The following PID1 variants were observed in gnomAD, a reference collection of about 807,000 sequenced individuals.
PID1 encodes the protein phosphotyrosine interaction domain containing 1.
PID1 carries 10 observed loss-of-function variants against 19.1 expected under a neutral mutation model. The observed-to-expected ratio is 0.52, with a 90% confidence interval of 0.32 to 0.89. The LOEUF (loss-of-function observed/expected upper bound fraction) is 0.89, where lower values mean the gene tolerates loss of function less well. Among genes scored for constraint, PID1 ranks in the 40% least tolerant of loss-of-function variants. The probability of loss-of-function intolerance (pLI) is 0.03; values close to 1 mark genes in which losing one functional copy is unlikely to be tolerated. For synonymous variants in PID1, 130 were observed against 116.0 expected (o/e 1.12, Z -0.78); for missense variants, 248 against 285.3 (o/e 0.87, Z 0.94).
chr2:229,253,425 G>A (rs1272875158), intron 1 of PID1, among the ~76,000 whole-genome samples: 1 of 152,086 alleles, frequency 6.6e-6, no homozygotes, highest in African/African-American at 2.4e-5. Flanking sequence ...TATAGGAGAT[G>A]CCAATAGCAG....
At position 229,139,009 on chromosome 2, in the gene PID1, AAG is replaced by A. The variant is rs751523848; in HGVS notation, c.177+16807_177+16808del. 5.3e-4 allele frequency among the ~76,000 whole-genome samples: 52 copies of A among 97,312 alleles called. 2 individuals are homozygous for A. The highest frequency in any genetic ancestry group is 1.1e-3 in the Non-Finnish European group (50 of 45,708). The allele number at this position is 97,312 out of a possible 152,430, so 63.8% of individuals were successfully genotyped here. ...AAAGAAAGAAAGAAAGAAAGAAAGAAAGAAAGAAAGAAAGAAAGAAAGAAAGA... is the reference window on the plus strand; with the variant it reads ...AAAGAAAGAAAGAAAGAAAGAAAGAAAAAGAAAGAAAGAAAGAAAGAAAGA... On this transcript the variant is annotated intron_variant, in intron 2 of 2. Transcript: ENST00000392055.
chr2:229,192,618 A>G (rs1289014184), intron 1 of PID1, among the ~76,000 whole-genome samples: 1 of 152,234 alleles, frequency 6.6e-6, no homozygotes, highest in Non-Finnish European at 1.5e-5. Context: ...CTTATGGAAC[A>G]TACAGGAGAA....
intron 1 of PID1, among the ~76,000 whole-genome samples, chr2:229,199,617 G>C (rs1323615240): frequency 6.6e-6 from 1 of 151,512 alleles, no homozygotes; most frequent in Non-Finnish European, 1.5e-5. Flanking sequence ...GGAAGCATTG[G>C]ATTTATGAAA....
At chr2:229,053,296 G>T (rs1694031442) in intron 2 of PID1, among the ~76,000 whole-genome samples, 1 of 152,056 alleles carries the variant, frequency 6.6e-6, no homozygotes, top group South Asian at 2.1e-4. Flanking sequence ...ACCAAAATGG[G>T]ATTTTCAAAA....
At chr2:229,258,098 T>C (rs1159843351) in intron 1 of PID1, among the ~76,000 whole-genome samples, 1 of 152,138 alleles carries the variant, frequency 6.6e-6, no homozygotes, top group Non-Finnish European at 1.5e-5. Context: ...CCAGGCACTG[T>C]GATACAGGGC....
At chr2:229,143,340 G>C (rs1690059418) in intron 2 of PID1, among the ~76,000 whole-genome samples, 1 of 151,892 alleles carries the variant, frequency 6.6e-6, no homozygotes, top group Non-Finnish European at 1.5e-5. Flanking sequence ...AAAACTTAAA[G>C]TATAATAATA....
At chr2:229,115,947 C>A (rs377754815) in intron 2 of PID1, among the ~76,000 whole-genome samples, 17 of 152,108 alleles carry the variant, frequency 1.1e-4, no homozygotes, top group African/African-American at 4.1e-4. Context: ...TCATTTTAAT[C>A]ATTAAAAATA....
intron 1 of PID1, among the ~76,000 whole-genome samples, chr2:229,236,869 G>A (rs1281786367): frequency 6.6e-6 from 1 of 151,894 alleles, no homozygotes; most frequent in African/African-American, 2.4e-5. Context: ...AAAGGTTTAT[G>A]TAAATGCAGC....
chr2:229,237,126 C>T (rs181428410), intron 1 of PID1, among the ~76,000 whole-genome samples: 2 of 152,088 alleles, frequency 1.3e-5, no homozygotes, highest in East Asian at 3.9e-4. Context: ...CATGATAGAT[C>T]ATGAGTAATC....
intron 1 of PID1, among the ~76,000 whole-genome samples, chr2:229,233,424 T>C (rs992602589): frequency 2.6e-5 from 4 of 151,176 alleles, no homozygotes; most frequent in African/African-American, 9.7e-5. Flanking sequence ...GAGACCAAGA[T>C]GAAAAAAGAG....
At chr2:229,252,493 G>T (rs1331462641) in intron 1 of PID1, among the ~76,000 whole-genome samples, 1 of 152,140 alleles carries the variant, frequency 6.6e-6, no homozygotes, top group Non-Finnish European at 1.5e-5. Flanking sequence ...GCCAGCTCCT[G>T]TTCAGCAAGG....
intron 2 of PID1, among the ~76,000 whole-genome samples, chr2:229,088,291 G>T: frequency 6.6e-6 from 1 of 151,974 alleles, no homozygotes; most frequent in East Asian, 1.9e-4. Flanking sequence ...AACATTTACC[G>T]AGCAACTACT....
At chr2:229,065,253 C>T (rs1265719494) in intron 2 of PID1, among the ~76,000 whole-genome samples, 1 of 152,098 alleles carries the variant, frequency 6.6e-6, no homozygotes, top group Non-Finnish European at 1.5e-5. Context: ...AGCTGCCTTC[C>T]TTTGAGAAAT....
At chr2:229,088,978 C>T (rs1171552814) in intron 2 of PID1, among the ~76,000 whole-genome samples, 3 of 152,136 alleles carry the variant, frequency 2.0e-5, no homozygotes, top group Non-Finnish European at 2.9e-5. Context: ...ATAATTTTCT[C>T]AGGAAATTCT....
intron 2 of PID1, among the ~76,000 whole-genome samples, chr2:229,079,498 C>A (rs1238617443): frequency 1.3e-5 from 2 of 152,182 alleles, no homozygotes; most frequent in African/African-American, 4.8e-5. Flanking sequence ...TACTATCTGT[C>A]TTTCTATCCT....
chr2:229,189,796 T>C (rs1691217771), intron 1 of PID1, among the ~76,000 whole-genome samples: 1 of 152,158 alleles, frequency 6.6e-6, no homozygotes, highest in South Asian at 2.1e-4. Context: ...GGCAGAGAGT[T>C]AACTGGACTT....
chr2:229,199,116 G>C (rs549500565), intron 1 of PID1, among the ~76,000 whole-genome samples: 2 of 152,060 alleles, frequency 1.3e-5, no homozygotes, highest in East Asian at 3.9e-4. Flanking sequence ...TGCCAGTGCT[G>C]ATCCTTCTAC....
intron 1 of PID1, among the ~76,000 whole-genome samples, chr2:229,230,824 T>C (rs1692189689): frequency 6.6e-6 from 1 of 152,210 alleles, no homozygotes; most frequent in African/African-American, 2.4e-5. Flanking sequence ...TTATAGAGTA[T>C]ATATACTTGT....
chr2:229,132,045 C>T (rs1689753302), intron 2 of PID1, among the ~76,000 whole-genome samples: 1 of 152,092 alleles, frequency 6.6e-6, no homozygotes, highest in Non-Finnish European at 1.5e-5. Flanking sequence ...ATATTCACTT[C>T]TTTGTTTCCA....
Sources: allele counts gnomAD v4.1 joint callset (sites outside exome capture counted in the v4.1 genomes callset), GRCh38; gene constraint gnomAD v4.1.1; transcripts MANE v1.5; gene names NCBI Gene and HGNC (gene_info 2026-07-23, HGNC 2026-07-21).